STAU2: variants seen among roughly 807,000 people sequenced by gnomAD.
STAU2 encodes the protein double-stranded RNA-binding protein Staufen homolog 2.
A neutral mutation model predicts 65.9 loss-of-function variants in STAU2; 20 were observed. The ratio of observed to expected loss-of-function variants is 0.30; its 90% CI spans 0.21 to 0.44. The LOEUF is 0.44. STAU2 is among the 20% of genes least tolerant of loss of function. STAU2 has a pLI of 1.00. For missense variants in STAU2, 558 were observed against 683.9 expected (o/e 0.82, Z 2.05); for synonymous variants, 232 against 233.9 (o/e 0.99, Z 0.07).
intron 13 of STAU2, among the ~76,000 whole-genome samples, chr8:73,478,661 G>A (rs1820446640): frequency 1.3e-5 from 2 of 152,010 alleles, no homozygotes; most frequent in Admixed American, 1.3e-4. Flanking sequence ...GAAGTTAATG[G>A]GCAAATTCAT....
intron 4 of STAU2, among the ~76,000 whole-genome samples, chr8:73,699,650 C>G (rs1401903133): frequency 1.3e-5 from 2 of 151,936 alleles, no homozygotes; most frequent in Admixed American, 1.3e-4. Flanking sequence ...AGACCAATAA[C>G]AAGTGAGGAG....
intron 13 of STAU2, among the ~76,000 whole-genome samples, chr8:73,524,144 G>C (rs1277002820): frequency 6.6e-6 from 1 of 152,122 alleles, no homozygotes; most frequent in Non-Finnish European, 1.5e-5. Context: ...AAATGATAGG[G>C]ACTTAAACTA....
rs562851436 is a variant in STAU2 at position 73,597,230 on chromosome 8, GA to G, written c.1030-1934del. 3.1e-4 allele frequency among the ~76,000 whole-genome samples: 47 copies of G among 151,008 alleles called. No individual in the cohort carries two copies. The South Asian group carries it at 9.0e-3, about 29-fold the overall frequency. On this transcript the variant is annotated intron_variant, in intron 10 of 14. Coordinates refer to ENST00000524300, the MANE Select transcript of STAU2 (RefSeq NM_001164380.2). ...ATAAACCAAAAGTAAGACTGATCAA[GA>G]AAAAAAATACGAGTTCTTCTCTGAG...
chr8:73,674,194 G>T (rs1315517352), intron 5 of STAU2, among the ~76,000 whole-genome samples: 1 of 148,276 alleles, frequency 6.7e-6, no homozygotes, highest in Non-Finnish European at 1.5e-5. Context: ...CTGTTTCATA[G>T]ATTTTATTTT....
At chr8:73,744,375 CTA>C (rs1487960244) in intron 1 of STAU2, among the ~76,000 whole-genome samples, 2 of 151,390 alleles carry the variant, frequency 1.3e-5, no homozygotes, top group Non-Finnish European at 2.9e-5. Flanking sequence ...TTTGCAGTAT[CTA>C]GAGTTTTCCC....
chr8:73,631,701 T>C (rs1470257375), intron 6 of STAU2, among the ~76,000 whole-genome samples: 2 of 151,994 alleles, frequency 1.3e-5, no homozygotes, highest in Non-Finnish European at 2.9e-5. Flanking sequence ...CCAGAGAACA[T>C]GAGAATGTCA....
chr8:73,512,502 G>A (rs1822461904), intron 13 of STAU2, among the ~76,000 whole-genome samples: 1 of 151,906 alleles, frequency 6.6e-6, no homozygotes, highest in South Asian at 2.1e-4. Flanking sequence ...TATTCTTTTT[G>A]ATGCTACTGT....
chr8:73,665,557 G>C (rs1252023241), intron 6 of STAU2, among the ~76,000 whole-genome samples: 1 of 152,122 alleles, frequency 6.6e-6, no homozygotes, highest in Non-Finnish European at 1.5e-5. Flanking sequence ...TCAAATATTG[G>C]CAGTTTCATA....
intron 2 of STAU2, among the ~76,000 whole-genome samples, 171 bp downstream of exon 2, chr8:73,739,585 T>C: frequency 6.6e-6 from 1 of 152,210 alleles, no homozygotes; most frequent in East Asian, 1.9e-4. Context: ...CCATTCAAAA[T>C]GACTTTGAAA....
At chr8:73,638,774 CAA>C (rs1445445606) in intron 6 of STAU2, among the ~76,000 whole-genome samples, 2 of 151,578 alleles carry the variant, frequency 1.3e-5, no homozygotes, top group African/African-American at 4.8e-5. Context: ...GAAGATGCCA[CAA>C]TATATTTTAG....
chr8:73,506,015 C>T (rs547672622), intron 13 of STAU2, among the ~76,000 whole-genome samples: 1 of 152,126 alleles, frequency 6.6e-6, no homozygotes, highest in Non-Finnish European at 1.5e-5. Flanking sequence ...AGAATTGTAA[C>T]CTTTCTAAGG....
At chr8:73,688,852 T>A (rs1819132131) in intron 4 of STAU2, 39 bp from the exon 5 acceptor site, 1 of 1,587,734 alleles carries the variant, frequency 6.3e-7, no homozygotes, top group Admixed American at 1.8e-5. Flanking sequence ...ACATTAAGAC[T>A]TTTCCAAGAA....
At chr8:73,604,263 C>G (rs1283228297) in intron 9 of STAU2, among the ~76,000 whole-genome samples, 2 of 152,098 alleles carry the variant, frequency 1.3e-5, no homozygotes, top group Non-Finnish European at 2.9e-5. Context: ...GAGTTTCATT[C>G]TGTCGCCCAG....
At position 73,514,410 on chromosome 8, in the gene STAU2, T is replaced by C. The variant is rs7845699; in HGVS notation, c.1530+37602A>G. 3.0e-3 allele frequency among the ~76,000 whole-genome samples: 459 copies of C among 152,328 alleles called. 3 individuals are homozygous for C. Among genetic ancestry groups the C allele is most frequent in the African/African-American group, 0.01 (434 of 41,574 alleles). On this transcript the variant is annotated intron_variant, in intron 13 of 14. Coordinates refer to ENST00000524300, the MANE Select transcript of STAU2 (RefSeq NM_001164380.2). ...GGCTCTTTGTTGCAAAGAACATAAA[T>C]TTCATACTGCTCAGCCTACCTTTCA...
chr8:73,614,815 G>A (rs1027069953), intron 8 of STAU2, among the ~76,000 whole-genome samples: 1 of 151,926 alleles, frequency 6.6e-6, no homozygotes, highest in Admixed American at 6.6e-5. Flanking sequence ...CAAATTTTCC[G>A]TATCATTTCT....
intron 13 of STAU2, among the ~76,000 whole-genome samples, chr8:73,507,701 C>T (rs1331577827): frequency 6.6e-6 from 1 of 152,200 alleles, no homozygotes; most frequent in African/African-American, 2.4e-5. Flanking sequence ...TCCTTTCTAG[C>T]TATGAAAATC....
At chr8:73,571,371 T>C (rs570521504) in intron 12 of STAU2, among the ~76,000 whole-genome samples, 38 of 152,254 alleles carry the variant, frequency 2.5e-4, no homozygotes, top group African/African-American at 9.1e-4. Flanking sequence ...ATCCAGGAAT[T>C]GAATTCAGCT....
chr8:73,518,900 G>A (rs1822887871), intron 13 of STAU2, among the ~76,000 whole-genome samples: 1 of 151,736 alleles, frequency 6.6e-6, no homozygotes, highest in African/African-American at 2.4e-5. Context: ...TAAGATCAAG[G>A]GACAAGTTTC....
At chr8:73,635,102 G>T (rs997718448) in intron 6 of STAU2, among the ~76,000 whole-genome samples, 7 of 152,142 alleles carry the variant, frequency 4.6e-5, no homozygotes, top group Non-Finnish European at 7.3e-5. Context: ...ACAACTAAAT[G>T]TCCATGAATA....
Sources: allele counts gnomAD v4.1 joint callset (sites outside exome capture counted in the v4.1 genomes callset), GRCh38; gene constraint gnomAD v4.1.1; transcripts MANE v1.5; gene names NCBI Gene and HGNC (gene_info 2026-07-23, HGNC 2026-07-21).